SSBP2: variants seen among roughly 807,000 people sequenced by gnomAD.
SSBP2 encodes single stranded DNA binding protein 2.
A neutral mutation model predicts 61.8 loss-of-function variants in SSBP2; 17 were observed. The observed-to-expected ratio is 0.28, with a 90% CI of 0.19 to 0.41. SSBP2 has a LOEUF of 0.41. Among genes scored for constraint, SSBP2 ranks in the 10% least tolerant of loss-of-function variants. SSBP2 has a pLI of 1.00. For synonymous variants in SSBP2, 139 were observed against 141.3 expected (o/e 0.98, Z 0.12); for missense variants, 310 against 458.7 (o/e 0.68, Z 2.96).
chr5:81,570,560 G>C (rs993128398), intron 4 of SSBP2, among the ~76,000 whole-genome samples: 2 of 152,152 alleles, frequency 1.3e-5, no homozygotes, highest in African/African-American at 4.8e-5. Context: ...GCTGTGTATG[G>C]CTGTTCAAGG....
chr5:81,688,126 G>A (rs452314), intron 1 of SSBP2, among the ~76,000 whole-genome samples: 61,461 of 152,004 alleles, frequency 0.4, 12,921 homozygotes, highest in Middle Eastern at 0.57. Context: ...CCTGAAGGGA[G>A]CAGTAGCCAG....
At chr5:81,746,119 T>C (rs1253325004) in intron 1 of SSBP2, among the ~76,000 whole-genome samples, 3 of 152,116 alleles carry the variant, frequency 2.0e-5, no homozygotes, top group Non-Finnish European at 2.9e-5. Flanking sequence ...TACTACTACT[T>C]CTAAGAGTCA....
chr5:81,547,059 T>TAAAAAAAAA (rs1771789270), intron 4 of SSBP2, among the ~76,000 whole-genome samples: 1 of 32,028 alleles, frequency 3.1e-5, no homozygotes, highest in African/African-American at 2.5e-4. Context: ...AAAAAAAAAG[T>TAAAAAAAAA]CTATCAAGAA....
At chr5:81,717,327 C>T (rs950604934) in intron 1 of SSBP2, among the ~76,000 whole-genome samples, 12 of 152,136 alleles carry the variant, frequency 7.9e-5, no homozygotes, top group Non-Finnish European at 1.5e-4. Flanking sequence ...AGCATCTATC[C>T]GTAACATATT....
Position 81,597,579 on chromosome 5 carries a change from T to C in SSBP2, c.282+17894A>G, listed in dbSNP as rs531009908. Among the ~76,000 whole-genome samples the C allele has an allele frequency of 1.9e-3, 291 of 152,184 alleles. 1 individual carries two copies. The highest frequency in any genetic ancestry group is 6.8e-3 in the African/African-American group (283 of 41,522). ...CACACGTATGTTTACTGCGGCACTA[T>C]TCACAATAGCAAAGACTTGGAACCA... On this transcript the variant is annotated intron_variant, in intron 4 of 16. Coordinates refer to ENST00000320672, the MANE Select transcript of SSBP2 (RefSeq NM_012446.5).
intron 1 of SSBP2, among the ~76,000 whole-genome samples, chr5:81,721,240 A>T (rs1320824099): frequency 6.6e-6 from 1 of 152,134 alleles, no homozygotes; most frequent in Non-Finnish European, 1.5e-5. Flanking sequence ...CTTCATACTA[A>T]GGCATCTAGT....
intron 1 of SSBP2, among the ~76,000 whole-genome samples, chr5:81,662,628 C>A (rs1397461760): frequency 6.6e-6 from 1 of 151,964 alleles, no homozygotes; most frequent in South Asian, 2.1e-4. Flanking sequence ...ATGGTGAAAC[C>A]CCGTCTCTAC....
At chr5:81,461,308 C>T (rs942248583) in intron 9 of SSBP2, among the ~76,000 whole-genome samples, 3 of 151,924 alleles carry the variant, frequency 2.0e-5, no homozygotes, top group Admixed American at 2.0e-4. Flanking sequence ...CCAAATTGAA[C>T]TGCTTTTAGA....
chr5:81,675,708 A>G (rs1304224683), intron 1 of SSBP2, among the ~76,000 whole-genome samples: 1 of 152,178 alleles, frequency 6.6e-6, no homozygotes, highest in Non-Finnish European at 1.5e-5. Flanking sequence ...GTTCCACACA[A>G]TTCTGCCCAA....
intron 12 of SSBP2, chr5:81,443,322 TA>T (rs1468018630): frequency 6.6e-6 from 1 of 152,168 alleles, no homozygotes; most frequent in Non-Finnish European, 1.5e-5. Context: ...TTTATTATAA[TA>T]AAAATATCTG....
chr5:81,445,585 C>T (rs1452224375), intron 12 of SSBP2, among the ~76,000 whole-genome samples: 2 of 151,776 alleles, frequency 1.3e-5, no homozygotes, highest in African/African-American at 4.8e-5. Context: ...AGGACACAGA[C>T]CATTAAATAT....
intron 4 of SSBP2, among the ~76,000 whole-genome samples, chr5:81,543,141 C>G (rs1179738834): frequency 6.6e-6 from 1 of 152,160 alleles, no homozygotes; most frequent in Non-Finnish European, 1.5e-5. Flanking sequence ...AGGCGTGAGC[C>G]ACCCTGCCCG....
rs555650858 is a variant in SSBP2 at position 81,686,718 on chromosome 5, G to T, written c.63-36379C>A. On this transcript the variant is annotated intron_variant, in intron 1 of 16. Coordinates refer to ENST00000320672, the MANE Select transcript of SSBP2 (RefSeq NM_012446.5). ...AAAAATACAAAAATTAGCCGGGTGT[G>T]GTGGCATGTGCCTATAGTCCTAGCT... 9.2e-5 allele frequency among the ~76,000 whole-genome samples: 14 copies of T among 151,966 alleles called. No homozygotes were observed. In the East Asian group the frequency reaches 2.7e-3, roughly 29 times the overall value.
intron 16 of SSBP2, among the ~76,000 whole-genome samples, chr5:81,425,361 G>T (rs78357075): frequency 0.015 from 2,212 of 152,196 alleles, 41 homozygotes; most frequent in Non-Finnish European, 0.02. Context: ...AATAAATTTA[G>T]TATTTATGAT....
At chr5:81,505,739 G>T (rs570516199) in intron 5 of SSBP2, among the ~76,000 whole-genome samples, 3 of 152,240 alleles carry the variant, frequency 2.0e-5, no homozygotes, top group Admixed American at 2.0e-4. Context: ...ATGCTTTATT[G>T]TTTCATACTA....
intron 4 of SSBP2, among the ~76,000 whole-genome samples, chr5:81,593,716 C>T (rs1743381197): frequency 2.0e-5 from 3 of 152,154 alleles, no homozygotes; most frequent in Admixed American, 2.0e-4. Context: ...AATTTTCAAT[C>T]CAGAATCTCA....
At chr5:81,615,132 A>T (rs1217085566) in intron 4 of SSBP2, 1 of 177,814 alleles carries the variant, frequency 5.6e-6, no homozygotes, top group African/African-American at 2.4e-5. Context: ...GAAATTTATC[A>T]TTTACAGAAA....
intron 4 of SSBP2, among the ~76,000 whole-genome samples, chr5:81,607,920 G>A (rs572326829): frequency 6.6e-6 from 1 of 152,238 alleles, no homozygotes; most frequent in African/African-American, 2.4e-5. Flanking sequence ...AATGTACTGG[G>A]TTACAGAACA....
rs1464506551 is a variant in SSBP2 at position 81,418,318 on chromosome 5, T to C, written c.*2186A>G. Reference sequence around the variant, plus strand: ...GAGGCTGTTCTCCGGTGTGCACTCCTAGGCACCTGAATACTGTGTGTGATT... The same window carrying C: ...GAGGCTGTTCTCCGGTGTGCACTCCCAGGCACCTGAATACTGTGTGTGATT... On this transcript the variant is annotated 3_prime_UTR_variant, in exon 17 of 17. Coordinates refer to ENST00000320672, the MANE Select transcript of SSBP2 (RefSeq NM_012446.5). 1 of 152,252 alleles carries C rather than the reference T, an allele frequency of 6.6e-6. No homozygotes were observed. The highest frequency in any genetic ancestry group is 1.5e-5 in the Non-Finnish European group (1 of 68,046). The allele number at this position is 152,252 out of a possible 1,614,324, so 9.4% of individuals were successfully genotyped here. A position where few individuals can be genotyped will look rare whatever the true frequency, so the allele number is the denominator to read the frequency against.
Sources: gnomAD v4.1 joint callset for allele counts (sites outside exome capture counted in the v4.1 genomes callset) on GRCh38, gnomAD v4.1.1 for gene constraint, MANE v1.5 for transcripts, NCBI Gene and HGNC (gene_info 2026-07-23, HGNC 2026-07-21) for gene names.